The following CORO2A variants were observed in gnomAD, a reference collection of about 807,000 sequenced individuals.
CORO2A encodes the protein coronin 2A, also known as coronin-2A.
A neutral mutation model predicts 62.4 loss-of-function variants in CORO2A; 47 were observed. The observed-to-expected ratio is 0.75, with a 90% CI of 0.60 to 0.96. The LOEUF is 0.96. CORO2A is among the 40% of genes least tolerant of loss of function. The pLI, the probability that CORO2A is intolerant of heterozygous loss-of-function variation, is 0.00. For missense variants in CORO2A, 610 were observed against 684.1 expected (o/e 0.89, Z 1.21); for synonymous variants, 273 against 268.9 (o/e 1.02, Z -0.15).
At chr9:98,176,805 G>C (rs569740821) in intron 1 of CORO2A, among the ~76,000 whole-genome samples, 1 of 152,210 alleles carries the variant, frequency 6.6e-6, no homozygotes, top group East Asian at 1.9e-4. Context: ...GAGATCGTGG[G>C]GTACAGAAAG....
chr9:98,183,759 A>G (rs1328166710), intron 1 of CORO2A, among the ~76,000 whole-genome samples: 1 of 152,246 alleles, frequency 6.6e-6, no homozygotes, highest in African/African-American at 2.4e-5. Flanking sequence ...CAAGAGTTCG[A>G]GACCAGCCTG....
At chr9:98,125,036 G>A in intron 11 of CORO2A, 131 bp from the exon 12 acceptor site, 2 of 902,906 alleles carry the variant, frequency 2.2e-6, no homozygotes, top group Non-Finnish European at 3.3e-6. Context: ...TGATGGGGCT[G>A]TCACTGCATA....
chr9:98,185,719 G>A (rs770578660), intron 1 of CORO2A, among the ~76,000 whole-genome samples: 15 of 152,198 alleles, frequency 9.9e-5, no homozygotes, highest in Non-Finnish European at 2.1e-4. Flanking sequence ...CATAGACCAC[G>A]CCCTGTGCAA....
At chr9:98,126,512 G>T in intron 11 of CORO2A, 37 bp downstream of exon 11, 1 of 1,595,074 alleles carries the variant, frequency 6.3e-7, no homozygotes, top group South Asian at 1.1e-5. Context: ...CACCCCAGCT[G>T]CCCCATGTGA....
intron 1 of CORO2A, among the ~76,000 whole-genome samples, chr9:98,168,199 T>C (rs981522427): frequency 3.9e-5 from 6 of 152,218 alleles, no homozygotes; most frequent in African/African-American, 1.4e-4. Context: ...TGCTTCATAA[T>C]CACAGATGAA....
At chr9:98,157,685 G>C in intron 1 of CORO2A, 25 bp from the exon 2 acceptor site, 3 of 1,596,544 alleles carry the variant, frequency 1.9e-6, no homozygotes, top group Non-Finnish European at 1.7e-6. Context: ...TGGGACAAAG[G>C]GTATGAGGCT....
intron 1 of CORO2A, among the ~76,000 whole-genome samples, chr9:98,177,510 AG>A (rs1828124813): frequency 7.9e-6 from 1 of 127,296 alleles, no homozygotes. Flanking sequence ...CTGGAGACCC[AG>A]GCTGGAGTGC....
chr9:98,122,264 C>T lies in CORO2A; in HGVS notation c.*2510G>A, dbSNP rs928791952. On this transcript the variant is annotated 3_prime_UTR_variant, in exon 12 of 12. Transcript: ENST00000375077. ...TCCATCTTCACTGTACTGCAGATCA[C>T]CTGTGGAGCTTATATGACCATACAG... is the stretch of plus-strand genomic sequence containing the variant. The T allele has an allele frequency of 6.6e-6, 1 of 152,204 alleles. No homozygotes were observed. Among genetic ancestry groups the T allele is most frequent in the South Asian group, 2.1e-4 (1 of 4,832 alleles). The allele number at this position is 152,204 out of a possible 1,614,324, so 9.4% of individuals were successfully genotyped here.
intron 2 of CORO2A, among the ~76,000 whole-genome samples, chr9:98,144,761 G>T (rs1417940791): frequency 4.6e-5 from 7 of 152,128 alleles, no homozygotes; most frequent in African/African-American, 1.7e-4. Context: ...GTTTTAAGTG[G>T]GAGGAGGCTG....
At chr9:98,176,947 T>C (rs1002596689) in intron 1 of CORO2A, among the ~76,000 whole-genome samples, 3 of 152,232 alleles carry the variant, frequency 2.0e-5, no homozygotes, top group Admixed American at 2.0e-4. Flanking sequence ...TGTACCTGGA[T>C]ACAGTACCAA....
intron 1 of CORO2A, among the ~76,000 whole-genome samples, chr9:98,168,562 G>C (rs1158121886): frequency 6.6e-6 from 1 of 152,210 alleles, no homozygotes; most frequent in Non-Finnish European, 1.5e-5. Context: ...AGGCTGTTCA[G>C]TCACAGGTCC....
chr9:98,183,960 TA>T (rs1273297302), intron 1 of CORO2A, among the ~76,000 whole-genome samples: 7 of 152,166 alleles, frequency 4.6e-5, no homozygotes, highest in African/African-American at 1.4e-4. Context: ...GACTCTGTCT[TA>T]AAAATATGTA....
At position 98,137,451 on chromosome 9, in the gene CORO2A, C is replaced by T. The variant is rs1827502009; in HGVS notation, c.318+121G>A. ...TACCTTAACTTAACACCTCCCCACA[C>T]AGTGACCTCACCTCCGCGATGGAGT... On this transcript the variant is annotated intron_variant, in intron 3 of 11. Coordinates refer to ENST00000375077, the MANE Select transcript of CORO2A (RefSeq NM_052820.4). The T allele has an allele frequency of 1.8e-5, 14 of 797,796 alleles. 1 individual carries two copies. In the South Asian group the frequency reaches 2.1e-4, roughly 12 times the overall value. The allele number at this position is 797,796 out of a possible 1,614,324, so 49.4% of individuals were successfully genotyped here. A position where few individuals can be genotyped will look rare whatever the true frequency, so the allele number is the denominator to read the frequency against.
At chr9:98,157,381 T>G (rs1351265675) in intron 2 of CORO2A, 79 bp downstream of exon 2, 1 of 1,403,454 alleles carries the variant, frequency 7.1e-7, no homozygotes, top group East Asian at 2.3e-5. Flanking sequence ...TAGGACTTTC[T>G]AGAAACCCAG....
chr9:98,163,794 C>T (rs1476626454), intron 1 of CORO2A, among the ~76,000 whole-genome samples: 1 of 149,800 alleles, frequency 6.7e-6, no homozygotes, highest in Non-Finnish European at 1.5e-5. Context: ...GAGAGAGTTT[C>T]CTGCCTGTTC....
chr9:98,170,146 A>G (rs1178016085), intron 1 of CORO2A, among the ~76,000 whole-genome samples: 1 of 152,254 alleles, frequency 6.6e-6, no homozygotes, highest in Non-Finnish European at 1.5e-5. Flanking sequence ...GTAGGAGCTC[A>G]GCCCATGGAA....
At chr9:98,163,304 C>T (rs1827911767) in intron 1 of CORO2A, among the ~76,000 whole-genome samples, 1 of 152,230 alleles carries the variant, frequency 6.6e-6, no homozygotes, top group African/African-American at 2.4e-5. Context: ...ATTCTCCTGC[C>T]TCAGCCTCCA....
Position 98,131,142 on chromosome 9 carries a change from ATGGTGCTC to A in CORO2A, c.766-91_766-84del, listed in dbSNP as rs1827402211. 6.7e-6 allele frequency: 6 copies of A among 890,132 alleles called. No individual in the cohort carries two copies. In the South Asian group the frequency reaches 7.3e-5, roughly 11 times the overall value. 55.1% of individuals were successfully genotyped at this position (890,132 alleles called of 1,614,324 possible). A position where few individuals can be genotyped will look rare whatever the true frequency, so the allele number is the denominator to read the frequency against. ...GCTCCCGGAGATAAGAATTGCTGCC[ATGGTGCTC>A]TGGGCGAGAGTGTGTGTGTCAGAGA... On this transcript the variant is annotated intron_variant, in intron 6 of 11. Coordinates refer to ENST00000375077, the MANE Select transcript of CORO2A (RefSeq NM_052820.4).
Position 98,134,992 on chromosome 9 carries a change from A to G in CORO2A, c.319-37T>C, listed in dbSNP as rs987559019. On this transcript the variant is annotated intron_variant, in intron 3 of 11. Transcript: ENST00000375077. The stretch of plus-strand genomic sequence containing the variant: ...GACAGGGCCCAAGGCAGCATTAGCC[A>G]GGGCACCTTGGCACCGTCACCAGCC... 4.4e-6 allele frequency: 7 copies of G among 1,606,354 alleles called. No homozygotes were observed. The African/African-American group carries it at 8.0e-5, about 18-fold the overall frequency.
Sources: gnomAD v4.1 joint callset for allele counts (sites outside exome capture counted in the v4.1 genomes callset) on GRCh38, gnomAD v4.1.1 for gene constraint, MANE v1.5 for transcripts, NCBI Gene and HGNC (gene_info 2026-07-23, HGNC 2026-07-21) for gene names.